LRRC37A2: variants seen among roughly 807,000 people sequenced by gnomAD.
LRRC37A2 encodes the protein leucine-rich repeat-containing protein 37A2.
LRRC37A2 carries 9 observed loss-of-function variants against 68.8 expected under a neutral mutation model. That is an observed-to-expected ratio of 0.13 (90% CI 0.08 to 0.23). The LOEUF is 0.23. Among genes scored for constraint, LRRC37A2 ranks in the 10% least tolerant of loss-of-function variants. The pLI is 1.00. For synonymous variants in LRRC37A2, 63 were observed against 367.6 expected, an observed-to-expected ratio of 0.17 and a Z score of 9.48; for missense variants, 168 against 950.4, an observed-to-expected ratio of 0.18 and a Z score of 10.82.
the LRRC37A2 span, among the ~76,000 whole-genome samples, chr17:46,781,472 C>G: frequency 0.64 from 97,453 of 151,378 alleles, 33,756 homozygotes; most frequent in South Asian, 0.83. Flanking sequence ...AACTTGAAAA[C>G]AAGCTAAGCG....
the LRRC37A2 span, among the ~76,000 whole-genome samples, chr17:46,873,694 A>G: frequency 6.6e-6 from 1 of 151,136 alleles, no homozygotes; most frequent in African/African-American, 2.5e-5. Context: ...CCCCGTCTCT[A>G]CTAAAAATAC....
chr17:47,020,505 T>C, the LRRC37A2 span, among the ~76,000 whole-genome samples: 1 of 150,276 alleles, frequency 6.7e-6, no homozygotes, highest in African/African-American at 2.5e-5. Flanking sequence ...AGAGGCTGGG[T>C]GTGGTGGCTC....
At chr17:46,547,249 A>G (rs1292145123) in intron 9 of LRRC37A2, 3 of 16,902 alleles carry the variant, frequency 1.8e-4, no homozygotes, top group African/African-American at 1.1e-3. Context: ...TTTACAGATG[A>G]GGAAAAACAA....
At chr17:46,732,329 T>C in the LRRC37A2 span, among the ~76,000 whole-genome samples, 1 of 152,200 alleles carries the variant, frequency 6.6e-6, no homozygotes, top group East Asian at 1.9e-4. Flanking sequence ...TATCCAGATA[T>C]TCTCTTTTCT....
At chr17:46,988,233 A>T in the LRRC37A2 span, among the ~76,000 whole-genome samples, 2 of 152,264 alleles carry the variant, frequency 1.3e-5, no homozygotes, top group Non-Finnish European at 2.9e-5. Flanking sequence ...GACTCAAAAA[A>T]TAACATATAC....
the LRRC37A2 span, among the ~76,000 whole-genome samples, chr17:46,784,777 CTTTTT>C: frequency 5.4e-5 from 7 of 129,292 alleles, no homozygotes; most frequent in Non-Finnish European, 3.2e-5. Flanking sequence ...TTTTGCTTTT[CTTTTT>C]TTTTTTTTTT....
the LRRC37A2 span, among the ~76,000 whole-genome samples, chr17:46,991,209 C>A: frequency 6.6e-6 from 1 of 152,052 alleles, no homozygotes; most frequent in African/African-American, 2.4e-5. Flanking sequence ...TCTAGAAGAC[C>A]CCTAACTGGT....
chr17:46,958,744 G>A, the LRRC37A2 span, among the ~76,000 whole-genome samples: 5 of 152,178 alleles, frequency 3.3e-5, no homozygotes, highest in South Asian at 4.1e-4. Flanking sequence ...AACTTCCGGC[G>A]AAGTCAAAGG....
chr17:46,839,346 C>T, the LRRC37A2 span, among the ~76,000 whole-genome samples: 1 of 152,202 alleles, frequency 6.6e-6, no homozygotes. Context: ...GGGTACCTGA[C>T]CCTTGGCACT....
the LRRC37A2 span, chr17:46,930,319 A>C: frequency 1.3e-5 from 2 of 152,338 alleles, no homozygotes; most frequent in Admixed American, 6.5e-5. Flanking sequence ...ATGGGGCAAG[A>C]AGCAGTCTGG....
the LRRC37A2 span, among the ~76,000 whole-genome samples, chr17:46,949,758 A>C: frequency 6.6e-6 from 1 of 152,192 alleles, no homozygotes. Flanking sequence ...GTCAGACTGG[A>C]GCAGGTGGAG....
At chr17:46,703,732 C>G in the LRRC37A2 span, among the ~76,000 whole-genome samples, 1 of 149,060 alleles carries the variant, frequency 6.7e-6, no homozygotes, top group African/African-American at 2.5e-5. Flanking sequence ...TAAAATTTAC[C>G]GTGTAACCAT....
the LRRC37A2 span, among the ~76,000 whole-genome samples, chr17:46,499,337 G>GA: frequency 2.9e-5 from 4 of 139,506 alleles, 1 homozygote; most frequent in African/African-American, 8.3e-5. Context: ...AAAAAAAAAG[G>GA]TGGGGGGACA....
the LRRC37A2 span, among the ~76,000 whole-genome samples, chr17:46,848,607 A>G: frequency 1.3e-5 from 2 of 152,352 alleles, no homozygotes; most frequent in East Asian, 3.9e-4. Context: ...TCCAGGCTAT[A>G]AGCCCCTTGG....
the LRRC37A2 span, chr17:47,027,455 TA>T: frequency 1.6e-6 from 1 of 642,924 alleles, no homozygotes; most frequent in Non-Finnish European, 2.8e-6. Flanking sequence ...AGAGTTGAGA[TA>T]AAAAATGTGT....
the LRRC37A2 span, among the ~76,000 whole-genome samples, chr17:46,924,904 A>G: frequency 6.6e-6 from 1 of 152,220 alleles, no homozygotes; most frequent in African/African-American, 2.4e-5. Flanking sequence ...TATCTAGTTA[A>G]TTTAGTTAAA....
the LRRC37A2 span, among the ~76,000 whole-genome samples, chr17:46,777,133 C>G: frequency 0.014 from 2,197 of 152,306 alleles, 53 homozygotes; most frequent in African/African-American, 0.051. Flanking sequence ...TCGCTTGAAC[C>G]TGGGAGGTGG....
chr17:47,018,107 G>A, the LRRC37A2 span: 2 of 1,533,290 alleles, frequency 1.3e-6, no homozygotes, highest in Non-Finnish European at 1.8e-6. Context: ...CAGATGTGGA[G>A]GTTACCATAA....
chr17:46,811,060 C>T, the LRRC37A2 span, among the ~76,000 whole-genome samples: 24 of 152,136 alleles, frequency 1.6e-4, no homozygotes, highest in Admixed American at 9.8e-4. Context: ...AACCAGAGAG[C>T]TGTCTAGTGT....
Sources: allele counts gnomAD v4.1 joint callset (sites outside exome capture counted in the v4.1 genomes callset), GRCh38; gene constraint gnomAD v4.1.1; transcripts MANE v1.5; gene names NCBI Gene and HGNC (gene_info 2026-07-23, HGNC 2026-07-21).